The following PTPRD variants were observed in gnomAD, a reference collection of about 807,000 sequenced individuals.
PTPRD encodes the protein protein tyrosine phosphatase receptor type D, also known as receptor-type tyrosine-protein phosphatase delta.
Under a neutral mutation model 214.5 loss-of-function variants are expected in PTPRD, and 34 were observed. The observed-to-expected ratio is 0.16, with a 90% CI of 0.12 to 0.21. PTPRD has a LOEUF of 0.21. Ranked by LOEUF, PTPRD falls within the 10% of genes least tolerant of loss-of-function variation. The probability of loss-of-function intolerance (pLI) is 1.00; values close to 1 mark genes in which losing one functional copy is unlikely to be tolerated. For missense variants in PTPRD, 2,545 were observed against 2,398.7 expected (o/e 1.06, Z -1.27); for synonymous variants, 1,128 against 845.7 (o/e 1.33, Z -5.79).
chr9:9,976,260 TAACTC>T (rs1197011428), intron 4 of PTPRD, among the ~76,000 whole-genome samples: 2 of 152,164 alleles, frequency 1.3e-5, no homozygotes, highest in Non-Finnish European at 2.9e-5. Flanking sequence ...AATAGAAACT[TAACTC>T]CCAGCCATTT....
At chr9:10,156,545 T>C (rs1177335058) in intron 3 of PTPRD, among the ~76,000 whole-genome samples, 3 of 152,212 alleles carry the variant, frequency 2.0e-5, no homozygotes, top group Non-Finnish European at 4.4e-5. Context: ...GATGATTGTT[T>C]TATATATGAT....
chr9:8,444,059 A>G, intron 34 of PTPRD, among the ~76,000 whole-genome samples: 1 of 152,148 alleles, frequency 6.6e-6, no homozygotes, highest in East Asian at 1.9e-4. Flanking sequence ...CTCTATCAAA[A>G]TGGTAAATGT....
Position 10,187,248 on chromosome 9 carries a change from T to C in PTPRD, c.-544-153458A>G, listed in dbSNP as rs144675382. On this transcript the variant is annotated intron_variant, in intron 3 of 45. Coordinates refer to ENST00000381196, the MANE Select transcript of PTPRD (RefSeq NM_002839.4). ...AGCATCGTGTGTGAAATAGGATGAA[T>C]AGATGAATCAGCTCTCTCACCCTTT... is the stretch of plus-strand genomic sequence containing the variant. Among the ~76,000 whole-genome samples, 30 of 152,288 alleles carry C rather than the reference T, an allele frequency of 2.0e-4. No homozygotes were observed. In the East Asian group the frequency reaches 5.4e-3, roughly 27 times the overall value.
intron 3 of PTPRD, among the ~76,000 whole-genome samples, chr9:10,072,419 C>A (rs972430074): frequency 6.6e-6 from 1 of 152,048 alleles, no homozygotes; most frequent in Non-Finnish European, 1.5e-5. Flanking sequence ...CATGGACCTT[C>A]GCAGTGAGCG....
rs368747739 is a variant in PTPRD at position 10,361,342 on chromosome 9, G to T, written c.-599-20325C>A. Among the ~76,000 whole-genome samples the T allele has an allele frequency of 1.3e-4, 20 of 152,150 alleles. No homozygotes were observed. In the South Asian group the frequency reaches 4.2e-3, roughly 32 times the overall value. Reference sequence around the variant, plus strand: ...GAGTGAAAAATGCAAATAACCCCCTGGTGTTATCGAAATAGTTTGATGTCA... The same window carrying T: ...GAGTGAAAAATGCAAATAACCCCCTTGTGTTATCGAAATAGTTTGATGTCA... On this transcript the variant is annotated intron_variant, in intron 2 of 45. Transcript: ENST00000381196.
chr9:9,775,524 G>C (rs1438941172), intron 5 of PTPRD, among the ~76,000 whole-genome samples: 2 of 152,134 alleles, frequency 1.3e-5, no homozygotes, highest in Non-Finnish European at 1.5e-5. Flanking sequence ...CTTTCTTCTG[G>C]AGAGAAGAGT....
intron 12 of PTPRD, among the ~76,000 whole-genome samples, chr9:8,717,309 C>A (rs548832673): frequency 6.6e-6 from 1 of 152,196 alleles, no homozygotes; most frequent in Non-Finnish European, 1.5e-5. Context: ...CCCCAACCTA[C>A]GTCTCATCCT....
Position 10,053,497 on chromosome 9 carries a change from T to C in PTPRD, c.-544-19707A>G, listed in dbSNP as rs530838036. On this transcript the variant is annotated intron_variant, in intron 3 of 45. Coordinates refer to ENST00000381196, the MANE Select transcript of PTPRD (RefSeq NM_002839.4). ...TAACTACAGAGAGAAGAAAAAGCTA[T>C]GGATCTTCTCAGTGGGTAAATACTG... 3.3e-5 allele frequency among the ~76,000 whole-genome samples: 5 copies of C among 152,244 alleles called. No homozygotes were observed. In the East Asian group the frequency reaches 9.7e-4, roughly 30 times the overall value.
chr9:10,582,638 C>A (rs1008075478), intron 2 of PTPRD, among the ~76,000 whole-genome samples: 1 of 152,172 alleles, frequency 6.6e-6, no homozygotes, highest in Admixed American at 6.5e-5. Context: ...TATTTAATAT[C>A]TATCCATCCA....
chr9:10,355,647 T>G (rs1016088176), intron 2 of PTPRD, among the ~76,000 whole-genome samples: 6 of 151,990 alleles, frequency 3.9e-5, no homozygotes, highest in Non-Finnish European at 8.8e-5. Flanking sequence ...TCCGGCTAAT[T>G]TTGTATTTTT....
At chr9:10,278,266 T>A (rs780938216) in intron 3 of PTPRD, among the ~76,000 whole-genome samples, 7 of 152,340 alleles carry the variant, frequency 4.6e-5, no homozygotes, top group South Asian at 2.1e-4. Flanking sequence ...TAACATACTT[T>A]TCATCTTCCA....
intron 11 of PTPRD, among the ~76,000 whole-genome samples, chr9:8,747,681 G>C (rs1421212865): frequency 6.6e-6 from 1 of 152,132 alleles, no homozygotes; most frequent in African/African-American, 2.4e-5. Context: ...CCTCCCCTCA[G>C]GATGGCTAGC....
intron 26 of PTPRD, among the ~76,000 whole-genome samples, chr9:8,494,087 AT>A (rs1238994748): frequency 6.6e-6 from 1 of 152,018 alleles, no homozygotes; most frequent in Admixed American, 6.6e-5. Context: ...GTGTTTTCAA[AT>A]TGAATATGGA....
intron 3 of PTPRD, among the ~76,000 whole-genome samples, chr9:10,037,239 C>G (rs1416183969): frequency 6.6e-6 from 1 of 152,092 alleles, no homozygotes; most frequent in Non-Finnish European, 1.5e-5. Context: ...CCACCCAAAT[C>G]TCATATCAAA....
At chr9:9,178,963 A>G (rs1476763717) in intron 10 of PTPRD, among the ~76,000 whole-genome samples, 2 of 152,080 alleles carry the variant, frequency 1.3e-5, no homozygotes, top group African/African-American at 4.8e-5. Flanking sequence ...AGAGACCTGA[A>G]TATGTTCCTG....
At chr9:9,643,029 T>A (rs1235273179) in intron 7 of PTPRD, among the ~76,000 whole-genome samples, 3 of 152,160 alleles carry the variant, frequency 2.0e-5, no homozygotes, top group Non-Finnish European at 4.4e-5. Context: ...ATAGAAAAGC[T>A]TGCTAAAATA....
intron 2 of PTPRD, among the ~76,000 whole-genome samples, chr9:10,364,525 T>C (rs562030259): frequency 6.6e-6 from 1 of 152,316 alleles, no homozygotes; most frequent in Non-Finnish European, 1.5e-5. Context: ...ACTGCTGTAC[T>C]CCAGGCTGCT....
At chr9:9,280,475 T>C (rs1466504288) in intron 9 of PTPRD, among the ~76,000 whole-genome samples, 1 of 151,286 alleles carries the variant, frequency 6.6e-6, no homozygotes, top group East Asian at 2.0e-4. Flanking sequence ...GTTACTTTTA[T>C]ATACCAACAA....
chr9:9,342,318 C>A (rs764879043), intron 9 of PTPRD, among the ~76,000 whole-genome samples: 1 of 151,876 alleles, frequency 6.6e-6, no homozygotes. Flanking sequence ...TGCCACTTTA[C>A]TTGAATTTTA....
Sources: allele counts gnomAD v4.1 joint callset (sites outside exome capture counted in the v4.1 genomes callset), GRCh38; gene constraint gnomAD v4.1.1; transcripts MANE v1.5; gene names NCBI Gene and HGNC (gene_info 2026-07-23, HGNC 2026-07-21).